Variants in TPST1 observed in about 807,000 individuals in gnomAD.
The protein encoded by TPST1 is tyrosylprotein sulfotransferase 1, also known as protein-tyrosine sulfotransferase 1.
Under a neutral mutation model 34.8 loss-of-function variants are expected in TPST1, and 20 were observed. The observed-to-expected ratio is 0.57, with a 90% confidence interval of 0.40 to 0.84. The LOEUF is 0.84. TPST1 is among the 40% of genes least tolerant of loss of function. The pLI is 0.00. For missense variants in TPST1, 353 were observed against 455.5 expected (o/e 0.78, Z 2.05); for synonymous variants, 152 against 159.4 (o/e 0.95, Z 0.35).
chr7:66,329,488 C>T (rs1791953989), intron 3 of TPST1, among the ~76,000 whole-genome samples: 1 of 151,908 alleles, frequency 6.6e-6, no homozygotes, highest in African/African-American at 2.4e-5. Context: ...AGCGCATATC[C>T]CTAAGAATAA....
intron 2 of TPST1, among the ~76,000 whole-genome samples, chr7:66,261,622 G>A (rs1333206860): frequency 6.6e-6 from 1 of 151,852 alleles, no homozygotes; most frequent in Non-Finnish European, 1.5e-5. Context: ...CTGACATTCT[G>A]TTTATTCTTT....
chr7:66,316,694 C>G (rs986711750), intron 3 of TPST1, among the ~76,000 whole-genome samples: 1 of 152,116 alleles, frequency 6.6e-6, no homozygotes, highest in Admixed American at 6.5e-5. Flanking sequence ...TGCTTTTTGT[C>G]TTACAGAGTA....
chr7:66,212,179 CAAAT>C (rs2116224843), intron 1 of TPST1, among the ~76,000 whole-genome samples: 1 of 152,172 alleles, frequency 6.6e-6, no homozygotes, highest in South Asian at 2.1e-4. Context: ...CTTTTTAAAA[CAAAT>C]AGCTCTTGAT....
chr7:66,208,116 G>A (rs1005240384), intron 1 of TPST1, among the ~76,000 whole-genome samples: 2 of 152,146 alleles, frequency 1.3e-5, no homozygotes, highest in African/African-American at 2.4e-5. Context: ...ATCTGATCAT[G>A]CTGCTTGTTT....
At chr7:66,222,223 T>C (rs1202733047) in intron 1 of TPST1, among the ~76,000 whole-genome samples, 1 of 151,800 alleles carries the variant, frequency 6.6e-6, no homozygotes, top group African/African-American at 2.4e-5. Flanking sequence ...TATTAAAAAA[T>C]ACAAAAAAAG....
At chr7:66,339,474 T>G (rs1418304453) in intron 3 of TPST1, among the ~76,000 whole-genome samples, 1 of 152,150 alleles carries the variant, frequency 6.6e-6, no homozygotes, top group East Asian at 1.9e-4. Context: ...AAAATTTTTT[T>G]GGAAGAGAAG....
At chr7:66,338,408 G>A (rs1421240203) in intron 3 of TPST1, among the ~76,000 whole-genome samples, 4 of 152,132 alleles carry the variant, frequency 2.6e-5, no homozygotes, top group Non-Finnish European at 5.9e-5. Flanking sequence ...CACTTTCAAT[G>A]TGAACAGATC....
In TPST1 at chr7:66,328,884, CTCTA is replaced by C. The variant is rs1330297596; in HGVS notation, c.1045-23619_1045-23616del. Among the ~76,000 whole-genome samples the C allele has an allele frequency of 5.3e-3, 155 of 29,314 alleles. 1 individual carries two copies. Among genetic ancestry groups the C allele is most frequent in the Non-Finnish European group, 5.5e-3 (100 of 18,276 alleles). The allele number at this position is 29,314 out of a possible 152,430, so 19.2% of individuals were successfully genotyped here. ...GCTCTCTCTCTCTCTCTCTCTCTCT[CTCTA>C]TATATATATATATATATATTTTTTT... On this transcript the variant is annotated intron_variant, in intron 3 of 5. Coordinates refer to ENST00000304842, the MANE Select transcript of TPST1 (RefSeq NM_003596.4).
At chr7:66,352,984 AC>A in intron 4 of TPST1, 1 of 985,328 alleles carries the variant, frequency 1.0e-6, no homozygotes, top group Non-Finnish European at 1.2e-6. Context: ...ACTTATATAT[AC>A]ACATAGTCAC....
chr7:66,325,784 C>A (rs985375350), intron 3 of TPST1, among the ~76,000 whole-genome samples: 2 of 151,740 alleles, frequency 1.3e-5, no homozygotes, highest in Admixed American at 6.6e-5. Context: ...TACAGGCACC[C>A]GCCTCCATGC....
intron 1 of TPST1, among the ~76,000 whole-genome samples, chr7:66,219,894 A>G (rs928838473): frequency 6.6e-5 from 10 of 152,230 alleles, no homozygotes; most frequent in Non-Finnish European, 1.0e-4. Flanking sequence ...TCTAGAACAG[A>G]AATGTTCCTT....
Position 66,248,099 on chromosome 7 carries a change from T to C in TPST1, c.845+6829T>C, listed in dbSNP as rs532437774. Among the ~76,000 whole-genome samples the C allele has an allele frequency of 2.0e-5, 3 of 152,276 alleles. No individual in the cohort carries two copies. In the East Asian group the frequency reaches 5.8e-4, roughly 29 times the overall value. Reference sequence around the variant, plus strand: ...ACACCTTAACAAAGATGAGTAACAATGTGGTGTTTTTTGCTAGAGAGTTCA... The same window carrying C: ...ACACCTTAACAAAGATGAGTAACAACGTGGTGTTTTTTGCTAGAGAGTTCA... On this transcript the variant is annotated intron_variant, in intron 2 of 5. Coordinates refer to ENST00000304842, the MANE Select transcript of TPST1 (RefSeq NM_003596.4).
rs931678981 is a variant in TPST1, at chr7:66,260,804, G to C, written c.845+19534G>C. On this transcript the variant is annotated intron_variant, in intron 2 of 5. Transcript: ENST00000304842. ...CTGAAGAAATACTTAGTCTGTGCCT[G>C]ATTATTCCCTATTACTGAGTCAAGA... 2.0e-5 allele frequency among the ~76,000 whole-genome samples: 3 copies of C among 152,272 alleles called. No homozygotes were observed. The South Asian group carries it at 6.2e-4, about 32-fold the overall frequency.
intron 3 of TPST1, among the ~76,000 whole-genome samples, chr7:66,316,103 T>TC (rs2116159299): frequency 6.9e-6 from 1 of 144,846 alleles, no homozygotes; most frequent in East Asian, 2.0e-4. Context: ...AGAGTGAAAC[T>TC]CCATCTCAAA....
intron 1 of TPST1, among the ~76,000 whole-genome samples, chr7:66,233,355 A>T (rs1245567815): frequency 6.6e-6 from 1 of 152,018 alleles, no homozygotes; most frequent in African/African-American, 2.4e-5. Flanking sequence ...TTTAGGTCTG[A>T]TTCATTTTGA....
chr7:66,229,658 G>T (rs1280461914), intron 1 of TPST1, among the ~76,000 whole-genome samples: 1 of 152,176 alleles, frequency 6.6e-6, no homozygotes, highest in Non-Finnish European at 1.5e-5. Context: ...GAATGCCATT[G>T]TTGTATGGTA....
chr7:66,209,077 C>T (rs1405608671), intron 1 of TPST1, among the ~76,000 whole-genome samples: 3 of 151,948 alleles, frequency 2.0e-5, no homozygotes, highest in Non-Finnish European at 4.4e-5. Flanking sequence ...CCATCAAGAC[C>T]AGCCCGGCCA....
At chr7:66,289,273 G>T (rs1791087099) in intron 3 of TPST1, among the ~76,000 whole-genome samples, 1 of 50,460 alleles carries the variant, frequency 2.0e-5, no homozygotes, top group Non-Finnish European at 3.6e-5. Flanking sequence ...TTTTATTGAG[G>T]ATTTTTGCAT....
chr7:66,351,720 G>GA (rs1186528827), intron 3 of TPST1, among the ~76,000 whole-genome samples: 9 of 150,430 alleles, frequency 6.0e-5, no homozygotes, highest in African/African-American at 2.2e-4. Flanking sequence ...ATTCTTTGAG[G>GA]AGAATGGCTA....
Sources: allele counts gnomAD v4.1 joint callset (sites outside exome capture counted in the v4.1 genomes callset), GRCh38; gene constraint gnomAD v4.1.1; transcripts MANE v1.5; gene names NCBI Gene and HGNC (gene_info 2026-07-23, HGNC 2026-07-21).